Variants in RNF157 observed in about 807,000 individuals in gnomAD.
The protein encoded by RNF157 is E3 ubiquitin ligase RNF157.
RNF157 carries 55 observed loss-of-function variants against 88.3 expected under a neutral mutation model. The ratio of observed to expected loss-of-function variants is 0.62; its 90% CI spans 0.50 to 0.78. The LOEUF (loss-of-function observed/expected upper bound fraction) is 0.78. Among genes scored for constraint, RNF157 ranks in the 30% least tolerant of loss-of-function variants. The pLI is 0.00. For synonymous variants in RNF157, 334 were observed against 341.2 expected, an observed-to-expected ratio of 0.98 and a Z score of 0.23; for missense variants, 788 against 860.8, an observed-to-expected ratio of 0.92 and a Z score of 1.06.
intron 6 of RNF157, 82 bp from the exon 7 acceptor site, chr17:76,165,627 C>A (rs559535172): frequency 4.8e-4 from 699 of 1,470,046 alleles, no homozygotes; most frequent in Non-Finnish European, 5.9e-4. Context: ...TCCCTGCAAT[C>A]TGGCAAACCA....
Position 76,155,748 on chromosome 17 carries a change from G to C in RNF157, c.1526-14C>G. ...TGCTGGCAGGGCCTTTGGAGACAGGGGATGGGGAAAGGAGCCTGGAGGTCA... is the reference window on the plus strand; with the variant it reads ...TGCTGGCAGGGCCTTTGGAGACAGGCGATGGGGAAAGGAGCCTGGAGGTCA... On this transcript the variant is annotated splice_polypyrimidine_tract_variant and intron_variant, in intron 14 of 18. Coordinates refer to ENST00000269391, the MANE Select transcript of RNF157 (RefSeq NM_052916.3). The C allele has an allele frequency of 6.5e-7, 1 of 1,531,998 alleles. No individual in the cohort carries two copies. The highest frequency in any genetic ancestry group is 8.8e-7 in the Non-Finnish European group (1 of 1,138,820). 94.9% of individuals were successfully genotyped at this position (1,531,998 alleles called of 1,614,324 possible).
intron 1 of RNF157, among the ~76,000 whole-genome samples, chr17:76,216,159 G>A (rs1021127354): frequency 5.3e-5 from 8 of 152,168 alleles, no homozygotes; most frequent in Non-Finnish European, 7.3e-5. Context: ...GAAAGGGAGA[G>A]AAGAGAGTTT....
chr17:76,165,653 C>T, intron 6 of RNF157, 108 bp from the exon 7 acceptor site: 1 of 1,178,780 alleles, frequency 8.5e-7, no homozygotes, highest in Non-Finnish European at 1.3e-6. Context: ...GCCAGTCTGT[C>T]TCTAGAAGGG....
chr17:76,145,815 C>T (rs879869565), intron 18 of RNF157, among the ~76,000 whole-genome samples: 15 of 152,182 alleles, frequency 9.9e-5, no homozygotes, highest in African/African-American at 2.2e-4. Context: ...GGGGCCCAGG[C>T]GGGGCAGGAA....
intron 8 of RNF157, 136 bp downstream of exon 8, chr17:76,164,612 A>T (rs746041855): frequency 3.2e-5 from 5 of 153,964 alleles, no homozygotes; most frequent in Non-Finnish European, 5.2e-5. Flanking sequence ...TTCTTTGATT[A>T]AAAAAAAAAA....
chr17:76,194,811 C>CGAGAT (rs960991555), intron 2 of RNF157, among the ~76,000 whole-genome samples: 2 of 152,084 alleles, frequency 1.3e-5, no homozygotes, highest in African/African-American at 2.4e-5. Flanking sequence ...GTCAGGAGAT[C>CGAGAT]GAGACCATCC....
chr17:76,218,764 T>C (rs1392123504), intron 1 of RNF157, among the ~76,000 whole-genome samples: 1 of 151,968 alleles, frequency 6.6e-6, no homozygotes, highest in Admixed American at 6.6e-5. Context: ...TGAAACTTCG[T>C]CTCTACTAAA....
At chr17:76,221,783 G>A (rs945889635) in intron 1 of RNF157, among the ~76,000 whole-genome samples, 2 of 152,176 alleles carry the variant, frequency 1.3e-5, no homozygotes, top group African/African-American at 4.8e-5. Flanking sequence ...TAAACAAAAT[G>A]TGAGGTATAA....
At chr17:76,185,527 T>C (rs1338520153) in intron 2 of RNF157, among the ~76,000 whole-genome samples, 3 of 148,528 alleles carry the variant, frequency 2.0e-5, no homozygotes, top group Admixed American at 6.7e-5. Flanking sequence ...TGGAGTGCAG[T>C]GGCGCGATCT....
intron 2 of RNF157, among the ~76,000 whole-genome samples, chr17:76,181,536 C>T (rs111758174): frequency 0.012 from 1,772 of 152,240 alleles, 20 homozygotes; most frequent in African/African-American, 0.036. Flanking sequence ...CGTCAGTCAG[C>T]GTTTACCTTC....
intron 12 of RNF157, among the ~76,000 whole-genome samples, chr17:76,159,000 A>AAGGTTCCTTC (rs2068808095): frequency 6.6e-6 from 1 of 152,172 alleles, no homozygotes; most frequent in South Asian, 2.1e-4. Context: ...TACGGATCAC[A>AAGGTTCCTTC]AGGTTCCTTC....
chr17:76,182,845 G>GGATATATATCCTATATATCCTATATAT (rs1161394582), intron 2 of RNF157, among the ~76,000 whole-genome samples: 1 of 77,990 alleles, frequency 1.3e-5, no homozygotes, highest in Admixed American at 1.3e-4. Flanking sequence ...ATGATATATA[G>GGATATATATCCTATATATCCTATATAT]GATATATAGG....
intron 18 of RNF157, among the ~76,000 whole-genome samples, chr17:76,148,882 T>C (rs1009064740): frequency 6.6e-6 from 1 of 152,186 alleles, no homozygotes; most frequent in Non-Finnish European, 1.5e-5. Flanking sequence ...TCTTTGCCTT[T>C]TTCCATCACT....
At chr17:76,162,092 A>G (rs896292605) in intron 9 of RNF157, 90 bp from the exon 10 acceptor site, 12 of 1,327,936 alleles carry the variant, frequency 9.0e-6, no homozygotes, top group Admixed American at 4.6e-5. Flanking sequence ...AAGAGCTAAG[A>G]TAAGTAATAA....
intron 2 of RNF157, among the ~76,000 whole-genome samples, chr17:76,196,372 A>G (rs1327872671): frequency 6.6e-6 from 1 of 152,238 alleles, no homozygotes; most frequent in Admixed American, 6.5e-5. Flanking sequence ...ACAACAGGAA[A>G]GGAGCAGAAG....
chr17:76,171,187 G>A (rs1317821782), intron 3 of RNF157, among the ~76,000 whole-genome samples: 10 of 130,738 alleles, frequency 7.6e-5, no homozygotes, highest in South Asian at 5.2e-4. Flanking sequence ...CCACTGCACC[G>A]GGCCTTATTT....
rs1354404868 is a variant in RNF157, at chr17:76,225,715, T to C, written c.89-13233A>G. ...ACACACAGCTACAGCAGACACTCTA[T>C]GTACAAGCACGTTGACACTCCTGAC... On this transcript the variant is annotated intron_variant, in intron 1 of 18. Transcript: ENST00000269391. 4.1e-6 allele frequency: 6 copies of C among 1,449,148 alleles called. No individual in the cohort carries two copies. The Admixed American group carries it at 7.7e-5, about 18-fold the overall frequency. 89.8% of individuals were successfully genotyped at this position (1,449,148 alleles called of 1,614,324 possible). A position where few individuals can be genotyped will look rare whatever the true frequency, so the allele number is the denominator to read the frequency against.
intron 2 of RNF157, among the ~76,000 whole-genome samples, chr17:76,177,253 T>A (rs1376110688): frequency 6.6e-6 from 1 of 151,990 alleles, no homozygotes; most frequent in Non-Finnish European, 1.5e-5. Flanking sequence ...AGCCCCGCCT[T>A]GGGCTGTGGA....
rs777304969 is a variant in RNF157, at chr17:76,142,575, A to G, written c.*2660T>C. 6.6e-6 allele frequency: 1 copy of G among 152,306 alleles called. No individual in the cohort carries two copies. The highest frequency in any genetic ancestry group is 2.4e-5 in the African/African-American group (1 of 41,460). The allele number at this position is 152,306 out of a possible 1,614,324, so 9.4% of individuals were successfully genotyped here. On this transcript the variant is annotated 3_prime_UTR_variant, in exon 19 of 19. Coordinates refer to ENST00000269391, the MANE Select transcript of RNF157 (RefSeq NM_052916.3). ...TGTAGTGTGACCACAAGTGTACTCC[A>G]GGGAGAGGGGTACACAGATGGCACA...
Sources: allele counts gnomAD v4.1 joint callset (sites outside exome capture counted in the v4.1 genomes callset), GRCh38; gene constraint gnomAD v4.1.1; transcripts MANE v1.5; gene names NCBI Gene and HGNC (gene_info 2026-07-23, HGNC 2026-07-21).